ABCG2: variants seen among roughly 807,000 people sequenced by gnomAD.
ABCG2 encodes broad substrate specificity ATP-binding cassette transporter ABCG2.
ABCG2 carries 80 observed loss-of-function variants against 73.5 expected under a neutral mutation model. The observed-to-expected ratio is 1.09, with a 90% CI of 0.91 to 1.31. The LOEUF (loss-of-function observed/expected upper bound fraction) is 1.31. ABCG2 is among the 50% of genes most tolerant of loss of function. ABCG2 has a pLI of 0.00. For synonymous variants in ABCG2, 269 were observed against 282.4 expected (o/e 0.95, Z 0.48); for missense variants, 796 against 786.2 (o/e 1.01, Z -0.15).
In ABCG2 at chr4:88,158,572, C is replaced by T; in HGVS notation, c.-206G>A. ...GCATGTGCACGGTGCGTTCCTAAAT[C>T]CTACCCAGTTCCTCCACAGGCTGCC... On this transcript the variant is annotated 5_prime_UTR_variant, in exon 1 of 16. Coordinates refer to ENST00000237612, the MANE Select transcript of ABCG2 (RefSeq NM_004827.3). 1 of 456,442 alleles carries T rather than the reference C, an allele frequency of 2.2e-6. No individual in the cohort carries two copies. The highest frequency in any genetic ancestry group is 4.4e-6 in the Non-Finnish European group (1 of 226,978). 28.3% of individuals were successfully genotyped at this position (456,442 alleles called of 1,614,324 possible).
rs1006921937 is a variant in ABCG2 at position 88,106,417 on chromosome 4, T to G, written c.1277+767A>C. 2.0e-5 allele frequency among the ~76,000 whole-genome samples: 3 copies of G among 152,294 alleles called. No homozygotes were observed. The East Asian group carries it at 5.8e-4, about 29-fold the overall frequency. On this transcript the variant is annotated intron_variant, in intron 10 of 15. Transcript: ENST00000237612. ...AACGAAATGTGGTATGTACATACAA[T>G]GGAATATTATTCAACCTTACAACGG... is the stretch of plus-strand genomic sequence containing the variant.
At chr4:88,159,763 A>G (rs879517926), upstream of ABCG2, among the ~76,000 whole-genome samples, 1 of 152,234 alleles carries the variant, frequency 6.6e-6, no homozygotes, top group Admixed American at 6.5e-5. Flanking sequence ...AAGAAAATTG[A>G]CTATACATAA....
chr4:88,127,523 T>C (rs917543428), intron 5 of ABCG2, among the ~76,000 whole-genome samples: 10 of 152,236 alleles, frequency 6.6e-5, no homozygotes, highest in Middle Eastern at 3.4e-3. Context: ...CTTTAAACTA[T>C]ACTACAAGGC....
chr4:88,120,651 G>A (rs1032191043), intron 6 of ABCG2, among the ~76,000 whole-genome samples: 4 of 152,270 alleles, frequency 2.6e-5, no homozygotes, highest in Middle Eastern at 6.8e-3. Context: ...CTCCCATTTG[G>A]AACAGGTGTA....
intron 1 of ABCG2, among the ~76,000 whole-genome samples, chr4:88,171,308 A>G (rs1463157579): frequency 5.3e-5 from 8 of 150,104 alleles, no homozygotes; most frequent in Non-Finnish European, 1.0e-4. Context: ...TATTCTGTTC[A>G]TGTATAGAAT....
chr4:88,212,932 C>T (rs1166731863), intron 1 of ABCG2, among the ~76,000 whole-genome samples: 2 of 151,864 alleles, frequency 1.3e-5, no homozygotes, highest in Non-Finnish European at 2.9e-5. Flanking sequence ...AGGGTTTTGC[C>T]CTGTTACCCA....
chr4:88,220,823 C>T (rs1046308170), intron 1 of ABCG2, among the ~76,000 whole-genome samples: 25 of 152,278 alleles, frequency 1.6e-4, no homozygotes, highest in African/African-American at 5.1e-4. Context: ...TTATAAGGCA[C>T]TTTCCCACCC....
upstream of ABCG2, chr4:88,158,785 G>C (rs1021989599): frequency 2.9e-6 from 1 of 348,666 alleles, no homozygotes; most frequent in Non-Finnish European, 5.4e-6. Context: ...TGCGGCTGGA[G>C]GTCACGATGG....
At chr4:88,210,479 C>T (rs915686084) in intron 1 of ABCG2, among the ~76,000 whole-genome samples, 3 of 152,200 alleles carry the variant, frequency 2.0e-5, no homozygotes, top group Non-Finnish European at 4.4e-5. Context: ...GTCCTATTTA[C>T]ATTCATCCCA....
upstream of ABCG2, among the ~76,000 whole-genome samples, chr4:88,163,176 T>G (rs1727381529): frequency 6.6e-6 from 1 of 152,218 alleles, no homozygotes; most frequent in Non-Finnish European, 1.5e-5. Context: ...AGAGGCTATG[T>G]GCACAGTATT....
intron 1 of ABCG2, among the ~76,000 whole-genome samples, chr4:88,194,575 A>G (rs1728861783): frequency 6.9e-6 from 1 of 144,218 alleles, no homozygotes; most frequent in South Asian, 2.3e-4. Flanking sequence ...AAAAAAAAAA[A>G]AAAAAAAAAG....
In ABCG2 at chr4:88,113,497, C is replaced by G; in HGVS notation, c.1000G>C (p.Glu334Gln). ...QDKPLIEKLA[E>Q]IYVNSSFYKE... is the part of the protein sequence containing the mutation. ...TAGAAGGAGGAGTTGACATAAATCT[C>G]CGCTAATTTTTCTATGAGTGGCTTA... Residue 334 changes from glutamate to glutamine, a missense_variant, in exon 9 of 16, where the codon GAG (glutamate) becomes CAG (glutamine). Glu to Gln is a conservative substitution (Grantham distance 29). Transcript: ENST00000237612. The G allele has an allele frequency of 1.2e-6, 2 of 1,614,070 alleles. No homozygotes were observed. Among genetic ancestry groups the G allele is most frequent in the Non-Finnish European group, 1.7e-6 (2 of 1,180,024 alleles).
rs558989383 is a variant in ABCG2, at chr4:88,109,676, A to C, written c.1195-2410T>G. On this transcript the variant is annotated intron_variant, in intron 9 of 15. Transcript: ENST00000237612. ...ATTCATTCTAAGATTTTCCAAATAC[A>C]ACCTTTGGAAGATGCATTATCAGAG... Among the ~76,000 whole-genome samples the C allele has an allele frequency of 2.6e-5, 4 of 152,352 alleles. No homozygotes were observed. In the East Asian group the frequency reaches 7.7e-4, roughly 29 times the overall value.
At chr4:88,191,290 G>A (rs1341461188) in intron 1 of ABCG2, among the ~76,000 whole-genome samples, 8 of 148,436 alleles carry the variant, frequency 5.4e-5, no homozygotes, top group African/African-American at 1.7e-4. Context: ...AAAACAAAAA[G>A]GGCAAAAATT....
chr4:88,210,705 A>G lies in ABCG2; in HGVS notation c.-20+20289T>C, dbSNP rs1445828853. Among the ~76,000 whole-genome samples, 8 of 151,468 alleles carry G rather than the reference A, an allele frequency of 5.3e-5. No homozygotes were observed. The East Asian group carries it at 1.6e-3, about 29-fold the overall frequency. ...ACTCCTAGGTTCAAGCAATTCTCCC[A>G]CCTCAGCCCCTGAGTACCTGGGAAT... On this transcript the variant is annotated intron_variant, in intron 1 of 15. Transcript: ENST00000515655.
intron 1 of ABCG2, among the ~76,000 whole-genome samples, chr4:88,170,985 G>C (rs540730140): frequency 6.6e-6 from 1 of 152,092 alleles, no homozygotes; most frequent in Non-Finnish European, 1.5e-5. Flanking sequence ...GGATGGAGCC[G>C]GAGACTATTA....
Position 88,119,165 on chromosome 4 carries a change from C to A in ABCG2, c.690-905G>T, listed in dbSNP as rs559712066. ...CTGATGGTTTTATAAATGGGAGTTC[C>A]CCTGCACAAGCTCTCTTGCCTGCTG... On this transcript the variant is annotated intron_variant, in intron 6 of 15. Transcript: ENST00000237612. Among the ~76,000 whole-genome samples the A allele has an allele frequency of 2.0e-4, 31 of 152,304 alleles. 1 individual carries two copies. In the South Asian group the frequency reaches 6.4e-3, roughly 32 times the overall value.
intron 1 of ABCG2, among the ~76,000 whole-genome samples, chr4:88,176,964 C>T (rs1359431228): frequency 1.3e-5 from 2 of 151,882 alleles, no homozygotes; most frequent in African/African-American, 4.8e-5. Flanking sequence ...AGATAATGTC[C>T]ACGAACATTA....
intron 11 of ABCG2, 145 bp from the exon 12 acceptor site, chr4:88,099,593 A>G: frequency 1.4e-6 from 1 of 698,488 alleles, no homozygotes; most frequent in East Asian, 3.0e-5. Flanking sequence ...CCCACTATGC[A>G]TGCCCATGAA....
Sources: allele counts gnomAD v4.1 joint callset (sites outside exome capture counted in the v4.1 genomes callset), GRCh38; gene constraint gnomAD v4.1.1; transcripts MANE v1.5; gene names NCBI Gene and HGNC (gene_info 2026-07-23, HGNC 2026-07-21).